Variants in MTHFD1L observed in about 807,000 individuals in gnomAD.
The protein encoded by MTHFD1L is monofunctional C1-tetrahydrofolate synthase, mitochondrial.
MTHFD1L carries 81 observed loss-of-function variants against 119.5 expected under a neutral mutation model. The ratio of observed to expected loss-of-function variants is 0.68; its 90% CI spans 0.57 to 0.82. MTHFD1L has a LOEUF of 0.82. Ranked by LOEUF, MTHFD1L falls within the 40% of genes least tolerant of loss-of-function variation. MTHFD1L has a pLI of 0.00. For synonymous variants in MTHFD1L, 430 were observed against 475.2 expected, an observed-to-expected ratio of 0.90 and a Z score of 1.24; for missense variants, 1,125 against 1,253.4, an observed-to-expected ratio of 0.90 and a Z score of 1.55.
At chr6:151,031,919 G>A (rs1158105017) in intron 24 of MTHFD1L, among the ~76,000 whole-genome samples, 3 of 152,172 alleles carry the variant, frequency 2.0e-5, no homozygotes, top group African/African-American at 7.2e-5. Context: ...TCAGATGGTA[G>A]TCAGCCTTTC....
At chr6:150,871,517 T>C in intron 1 of MTHFD1L, among the ~76,000 whole-genome samples, 1 of 146,128 alleles carries the variant, frequency 6.8e-6, no homozygotes, top group East Asian at 2.0e-4. Flanking sequence ...TTTTTTTTTT[T>C]TTGAGATGGA....
intron 8 of MTHFD1L, chr6:150,913,004 T>G (rs1474907782): frequency 1.3e-5 from 2 of 156,946 alleles, no homozygotes; most frequent in African/African-American, 4.8e-5. Flanking sequence ...GAACTTATTT[T>G]TATTTTTTTT....
intron 26 of MTHFD1L, among the ~76,000 whole-genome samples, chr6:151,085,718 C>A (rs1793728072): frequency 6.6e-6 from 1 of 152,046 alleles, no homozygotes; most frequent in African/African-American, 2.4e-5. Flanking sequence ...TTGCAGTGAG[C>A]AGAGATTGTG....
At chr6:151,076,788 T>G (rs996342758) in intron 26 of MTHFD1L, among the ~76,000 whole-genome samples, 7 of 152,130 alleles carry the variant, frequency 4.6e-5, no homozygotes, top group African/African-American at 1.4e-4. Flanking sequence ...TCTTAAAAAG[T>G]TAAAGTGCAC....
chr6:151,072,615 C>A (rs1269794918), intron 26 of MTHFD1L, among the ~76,000 whole-genome samples: 1 of 151,856 alleles, frequency 6.6e-6, no homozygotes, highest in East Asian at 1.9e-4. Context: ...ATGTTGAAAC[C>A]CCGTCTCTAC....
intron 4 of MTHFD1L, among the ~76,000 whole-genome samples, chr6:150,879,691 G>A (rs1405974424): frequency 5.0e-5 from 7 of 141,134 alleles, no homozygotes; most frequent in Non-Finnish European, 7.5e-5. Flanking sequence ...GTCCAATGGC[G>A]CAATCTCCTC....
chr6:151,024,101 A>AT (rs911941099), intron 24 of MTHFD1L, among the ~76,000 whole-genome samples: 20 of 148,832 alleles, frequency 1.3e-4, no homozygotes, highest in East Asian at 7.9e-4. Context: ...AGAGGTTGGG[A>AT]TTTTTTTTTT....
chr6:150,937,628 G>A (rs1439215593), intron 12 of MTHFD1L, among the ~76,000 whole-genome samples: 11 of 152,132 alleles, frequency 7.2e-5, no homozygotes, highest in South Asian at 2.1e-4. Flanking sequence ...GTCATGCATC[G>A]TGTAGTGGAA....
intron 26 of MTHFD1L, among the ~76,000 whole-genome samples, chr6:151,078,248 G>A (rs928261078): frequency 6.6e-6 from 1 of 151,874 alleles, no homozygotes; most frequent in Non-Finnish European, 1.5e-5. Context: ...GCCCAGCCTG[G>A]GCAATGTACA....
chr6:150,999,773 C>T (rs1020747952), intron 20 of MTHFD1L, among the ~76,000 whole-genome samples: 3 of 152,146 alleles, frequency 2.0e-5, no homozygotes, highest in Non-Finnish European at 1.5e-5. Context: ...GTGTCTGTAA[C>T]TAATTAATGC....
chr6:150,997,928 T>C (rs1780035736), intron 20 of MTHFD1L, among the ~76,000 whole-genome samples: 1 of 152,192 alleles, frequency 6.6e-6, no homozygotes, highest in Admixed American at 6.5e-5. Context: ...CCGGTAGGTC[T>C]AGGCATGAGC....
chr6:150,965,699 A>G (rs578010756), intron 19 of MTHFD1L, among the ~76,000 whole-genome samples: 14 of 150,742 alleles, frequency 9.3e-5, no homozygotes, highest in East Asian at 7.8e-4. Context: ...TAACATTTCA[A>G]TAGGTTGTAT....
At chr6:150,930,726 A>T (rs1790896646) in intron 11 of MTHFD1L, among the ~76,000 whole-genome samples, 1 of 152,012 alleles carries the variant, frequency 6.6e-6, no homozygotes, top group Admixed American at 6.6e-5. Flanking sequence ...GTTATTACAT[A>T]TTTTAATTTA....
chr6:150,911,724 G>A (rs1416361977), intron 8 of MTHFD1L, among the ~76,000 whole-genome samples: 1 of 152,148 alleles, frequency 6.6e-6, no homozygotes, highest in East Asian at 1.9e-4. Flanking sequence ...GGTTTAATTG[G>A]ACTTACAGTT....
At chr6:150,997,489 T>G (rs968270675) in intron 20 of MTHFD1L, among the ~76,000 whole-genome samples, 2 of 152,170 alleles carry the variant, frequency 1.3e-5, no homozygotes, top group Non-Finnish European at 2.9e-5. Flanking sequence ...TTTGTGATCC[T>G]AAGTATAAAT....
chr6:150,867,800 T>G (rs1778675180), intron 1 of MTHFD1L, among the ~76,000 whole-genome samples: 1 of 147,612 alleles, frequency 6.8e-6, no homozygotes. Context: ...TATTCTTTTT[T>G]TTTTTTTTTT....
Position 150,948,979 on chromosome 6 carries a change from T to A in MTHFD1L, c.1624-52T>A, listed in dbSNP as rs1430090627. 47 of 1,472,006 alleles carry A rather than the reference T, an allele frequency of 3.2e-5. No individual in the cohort carries two copies. In the Middle Eastern group the frequency reaches 7.0e-4, roughly 22 times the overall value. The allele number at this position is 1,472,006 out of a possible 1,614,324, so 91.2% of individuals were successfully genotyped here. On this transcript the variant is annotated intron_variant, in intron 15 of 27. Transcript: ENST00000367321. Reference sequence around the variant, plus strand: ...TTAGAGGGATAATTTTGGTGACCCTTTGCTTTCTGTTTCTTCTCAAACTTC... The same window carrying A: ...TTAGAGGGATAATTTTGGTGACCCTATGCTTTCTGTTTCTTCTCAAACTTC...
At chr6:150,879,322 C>G (rs553256730) in intron 4 of MTHFD1L, among the ~76,000 whole-genome samples, 3 of 152,018 alleles carry the variant, frequency 2.0e-5, no homozygotes, top group African/African-American at 7.3e-5. Context: ...GATGGAGTCT[C>G]GCTCTGTCAG....
At chr6:151,000,437 T>C (rs971129243) in intron 20 of MTHFD1L, among the ~76,000 whole-genome samples, 2 of 152,146 alleles carry the variant, frequency 1.3e-5, no homozygotes, top group Non-Finnish European at 2.9e-5. Context: ...TTCCTGGAAA[T>C]TCGACTCCAA....
Sources: allele counts gnomAD v4.1 joint callset (sites outside exome capture counted in the v4.1 genomes callset), GRCh38; gene constraint gnomAD v4.1.1; transcripts MANE v1.5; gene names NCBI Gene and HGNC (gene_info 2026-07-23, HGNC 2026-07-21).